The following WDPCP variants were observed in gnomAD, a reference collection of about 807,000 sequenced individuals.
WDPCP encodes WD repeat containing planar cell polarity effector.
In WDPCP, 71 loss-of-function variants were observed where a neutral mutation model predicts 93.1. The observed-to-expected ratio is 0.76, with a 90% CI of 0.63 to 0.93. The LOEUF (loss-of-function observed/expected upper bound fraction) is 0.93. Among genes scored for constraint, WDPCP ranks in the 40% least tolerant of loss-of-function variants. The probability of loss-of-function intolerance (pLI) is 0.00; values close to 1 mark genes in which losing one functional copy is unlikely to be tolerated. For synonymous variants in WDPCP, 315 were observed against 315.0 expected (o/e 1.00, Z 0.00); for missense variants, 844 against 887.4 (o/e 0.95, Z 0.62).
At chr2:63,317,804 T>C (rs181110713) in intron 12 of WDPCP, among the ~76,000 whole-genome samples, 1 of 151,992 alleles carries the variant, frequency 6.6e-6, no homozygotes, top group African/African-American at 2.4e-5. Flanking sequence ...CCCAAAACTA[T>C]AAAAACCTTA....
At chr2:63,330,284 G>A (rs183672255) in intron 12 of WDPCP, among the ~76,000 whole-genome samples, 2 of 152,278 alleles carry the variant, frequency 1.3e-5, no homozygotes, top group African/African-American at 2.4e-5. Context: ...CGTAACAGAT[G>A]TAAGGTGTTA....
chr2:63,604,821 T>C, intron 3 of WDPCP: 1 of 1,614,188 alleles, frequency 6.2e-7, no homozygotes. Context: ...AGGAAGTTGG[T>C]GTTTATGAAG....
chr2:63,564,253 T>A (rs1020375394), intron 1 of WDPCP: 1 of 152,234 alleles, frequency 6.6e-6, no homozygotes, highest in Non-Finnish European at 1.5e-5. Flanking sequence ...AGAAGCCAAG[T>A]TCAGCCTGGT....
intron 17 of WDPCP, among the ~76,000 whole-genome samples, chr2:63,140,383 A>G (rs1359683989): frequency 6.6e-6 from 1 of 152,032 alleles, no homozygotes; most frequent in Non-Finnish European, 1.5e-5. Flanking sequence ...ACTACATTGA[A>G]TTTGTAGATT....
intron 10 of WDPCP, among the ~76,000 whole-genome samples, chr2:63,398,058 G>A (rs568259834): frequency 5.6e-4 from 85 of 152,254 alleles, no homozygotes; most frequent in African/African-American, 1.9e-3. Context: ...TAGTGGTGGC[G>A]CTAGTCTTGG....
intron 14 of WDPCP, among the ~76,000 whole-genome samples, chr2:63,206,738 T>C (rs1676365339): frequency 6.6e-6 from 1 of 152,178 alleles, no homozygotes; most frequent in Non-Finnish European, 1.5e-5. Flanking sequence ...ATTCTCCCTA[T>C]ATTTTTATTT....
At chr2:63,811,508 A>C (rs1015852212) in intron 2 of WDPCP, among the ~76,000 whole-genome samples, 10 of 152,146 alleles carry the variant, frequency 6.6e-5, no homozygotes, top group African/African-American at 2.4e-4. Context: ...CAACACAAGG[A>C]AATGAAGTTT....
At chr2:63,263,791 A>C (rs1681856792) in intron 13 of WDPCP, among the ~76,000 whole-genome samples, 1 of 152,234 alleles carries the variant, frequency 6.6e-6, no homozygotes, top group Admixed American at 6.5e-5. Flanking sequence ...ACTAATGCTA[A>C]GGTACTGTTA....
At chr2:63,435,617 G>A (rs951180873) in intron 8 of WDPCP, among the ~76,000 whole-genome samples, 5 of 152,058 alleles carry the variant, frequency 3.3e-5, no homozygotes, top group South Asian at 4.1e-4. Context: ...AATCACTTAC[G>A]TTATGAAATG....
In WDPCP at chr2:63,784,596, G is replaced by GTC. The variant is rs1169281781; in HGVS notation, n.308+29025_308+29026insGA. On this transcript the variant is annotated intron_variant and non_coding_transcript_variant, in intron 2 of 4. Coordinates refer to the WDPCP transcript ENST00000467687. The stretch of plus-strand genomic sequence containing the variant: ...AGTGTGTGTGTGTGTGTGTGTGTGT[G>GTC]TGTGTGAATATGAAACTTCTAGAGG... Among the ~76,000 whole-genome samples the GTC allele has an allele frequency of 6.6e-5, 10 of 152,046 alleles. No homozygotes were observed. In the East Asian group the frequency reaches 1.9e-3, roughly 29 times the overall value.
chr2:63,417,668 C>T (rs1000962823), intron 9 of WDPCP, among the ~76,000 whole-genome samples: 2 of 150,234 alleles, frequency 1.3e-5, no homozygotes, highest in South Asian at 4.1e-4. Flanking sequence ...TTGATTCACA[C>T]AGCACAGACC....
intron 3 of WDPCP, chr2:63,595,639 G>A: frequency 1.5e-6 from 1 of 658,864 alleles, no homozygotes; most frequent in South Asian, 1.9e-5. Flanking sequence ...TTTTTATTTT[G>A]AACTACCACT....
intron 2 of WDPCP, among the ~76,000 whole-genome samples, chr2:63,797,559 T>A (rs569148260): frequency 6.6e-6 from 1 of 151,072 alleles, no homozygotes; most frequent in Non-Finnish European, 1.5e-5. Flanking sequence ...GAGAGTTTAG[T>A]CTATTTACAT....
At chr2:63,531,740 CA>C (rs1354816404) in intron 1 of WDPCP, among the ~76,000 whole-genome samples, 12 of 152,206 alleles carry the variant, frequency 7.9e-5, no homozygotes, top group South Asian at 2.1e-4. Context: ...TAGATAAAAC[CA>C]CAAAGATGGG....
chr2:63,275,950 T>C (rs933398562), intron 13 of WDPCP, among the ~76,000 whole-genome samples: 18 of 50,222 alleles, frequency 3.6e-4, no homozygotes, highest in African/African-American at 2.0e-3. Context: ...AGAGAATCCA[T>C]AGACTCTTTG....
chr2:63,629,032 T>A (rs746344031), intron 3 of WDPCP, among the ~76,000 whole-genome samples: 1 of 152,236 alleles, frequency 6.6e-6, no homozygotes, highest in Non-Finnish European at 1.5e-5. Flanking sequence ...TTTCATCTAT[T>A]ATTTCCTCTA....
At chr2:63,371,235 T>C (rs927283301) in intron 12 of WDPCP, among the ~76,000 whole-genome samples, 1 of 152,164 alleles carries the variant, frequency 6.6e-6, no homozygotes, top group African/African-American at 2.4e-5. Context: ...CTTTGTCCAA[T>C]CTGTTAGAAA....
intron 1 of WDPCP, among the ~76,000 whole-genome samples, chr2:63,545,941 T>A (rs1261361352): frequency 6.6e-6 from 1 of 152,112 alleles, no homozygotes; most frequent in Non-Finnish European, 1.5e-5. Context: ...CCAAAACCTT[T>A]ATCTTTGCTA....
intron 2 of WDPCP, among the ~76,000 whole-genome samples, chr2:63,811,844 A>C (rs903206446): frequency 2.6e-5 from 4 of 151,964 alleles, no homozygotes; most frequent in African/African-American, 9.7e-5. Context: ...CCCACTTACA[A>C]GTAAGAACAT....
Sources: allele counts gnomAD v4.1 joint callset (sites outside exome capture counted in the v4.1 genomes callset), GRCh38; gene constraint gnomAD v4.1.1; transcripts MANE v1.5; gene names NCBI Gene and HGNC (gene_info 2026-07-23, HGNC 2026-07-21).